Variants in ITSN2 observed in about 807,000 individuals in gnomAD.
The protein encoded by ITSN2 is intersectin-2.
In ITSN2, 156 loss-of-function variants were observed where a neutral mutation model predicts 243.7. The ratio of observed to expected loss-of-function variants is 0.64; its 90% CI spans 0.56 to 0.73. The LOEUF (loss-of-function observed/expected upper bound fraction) is 0.73, where lower values mean the gene tolerates loss of function less well. Among genes scored for constraint, ITSN2 ranks in the 30% least tolerant of loss-of-function variants. The pLI is 0.00. For synonymous variants in ITSN2, 703 were observed against 699.9 expected (o/e 1.00, Z -0.07); for missense variants, 1,801 against 1,996.1 (o/e 0.90, Z 1.86).
chr2:24,236,045 G>C (rs1163821567), intron 29 of ITSN2, among the ~76,000 whole-genome samples: 1 of 152,160 alleles, frequency 6.6e-6, no homozygotes, highest in Admixed American at 6.5e-5. Context: ...AAAACTTGTA[G>C]ACAAATGTTC....
chr2:24,325,498 T>C (rs1266872635), intron 2 of ITSN2, among the ~76,000 whole-genome samples: 1 of 151,676 alleles, frequency 6.6e-6, no homozygotes, highest in Non-Finnish European at 1.5e-5. Context: ...CTGGCTTTCT[T>C]ATTTAAATAT....
At chr2:24,330,002 T>C (rs556591214) in intron 1 of ITSN2, among the ~76,000 whole-genome samples, 1 of 152,378 alleles carries the variant, frequency 6.6e-6, no homozygotes, top group East Asian at 1.9e-4. Context: ...ACAAACTATC[T>C]ACTTAACAGA....
intron 12 of ITSN2, among the ~76,000 whole-genome samples, chr2:24,299,138 T>G (rs917550312): frequency 5.3e-5 from 8 of 150,478 alleles, no homozygotes; most frequent in South Asian, 2.1e-4. Flanking sequence ...CAAGCGATTC[T>G]CCTGCCTCAG....
At chr2:24,229,243 A>T (rs1264693073) in intron 29 of ITSN2, among the ~76,000 whole-genome samples, 1 of 152,214 alleles carries the variant, frequency 6.6e-6, no homozygotes, top group Non-Finnish European at 1.5e-5. Flanking sequence ...GAACACTATT[A>T]ACAAGGTTAA....
intron 29 of ITSN2, among the ~76,000 whole-genome samples, chr2:24,226,907 C>T (rs72791170): frequency 0.19 from 29,261 of 152,072 alleles, 3,265 homozygotes; most frequent in Non-Finnish European, 0.26. Flanking sequence ...TGTTATTTTA[C>T]TGGACCTATT....
chr2:24,230,592 A>G (rs1573937004), intron 29 of ITSN2, among the ~76,000 whole-genome samples: 1 of 152,132 alleles, frequency 6.6e-6, no homozygotes, highest in Non-Finnish European at 1.5e-5. Context: ...ACATGGTGGA[A>G]CCCCGTCTCT....
At chr2:24,352,940 A>G (rs1297905515) in intron 1 of ITSN2, among the ~76,000 whole-genome samples, 3 of 152,218 alleles carry the variant, frequency 2.0e-5, no homozygotes, top group Non-Finnish European at 4.4e-5. Flanking sequence ...CAGCAAAACT[A>G]TTTACTTGAC....
chr2:24,306,352 G>A (rs1330508047), intron 8 of ITSN2, among the ~76,000 whole-genome samples: 1 of 152,106 alleles, frequency 6.6e-6, no homozygotes, highest in Non-Finnish European at 1.5e-5. Context: ...CAGCAACTCA[G>A]AAGGTTTGCA....
intron 1 of ITSN2, among the ~76,000 whole-genome samples, chr2:24,339,540 T>A (rs1686818723): frequency 1.3e-5 from 2 of 151,794 alleles, no homozygotes; most frequent in Non-Finnish European, 2.9e-5. Flanking sequence ...CTTGGAGTTC[T>A]AAAAGTTTCA....
Position 24,208,285 on chromosome 2 carries a change from C to T in ITSN2, c.4630G>A (p.Glu1544Lys), listed in dbSNP as rs767422542. 1.2e-5 allele frequency: 20 copies of T among 1,611,158 alleles called. No individual in the cohort carries two copies. In the South Asian group the frequency reaches 2.2e-4, roughly 18 times the overall value. ...AWVQKIKAAS[E>K]QYIDTEKKKR... is the part of the protein sequence containing the mutation. Reference sequence around the variant, plus strand: ...TTCTTCTCGGTGTCGATGTACTGCTCAGACGCCGCCTTGATCTTCTGCACC... The same window carrying T: ...TTCTTCTCGGTGTCGATGTACTGCTTAGACGCCGCCTTGATCTTCTGCACC... Residue 1544 changes from glutamate (E) to lysine (K), a missense_variant, in exon 37 of 40, where the codon GAG (glutamate) becomes AAG (lysine). By Grantham distance (56) the Glu-to-Lys change is moderately conservative. Around this residue, in one of 5 missense-constraint regions of ITSN2, gnomAD observed 928 missense variants for 1,065.4 expected, o/e 0.87. Coordinates refer to ENST00000355123, the MANE Select transcript of ITSN2 (RefSeq NM_006277.3).
chr2:24,222,125 G>A (rs1290584469), intron 29 of ITSN2, among the ~76,000 whole-genome samples: 35 of 152,038 alleles, frequency 2.3e-4, no homozygotes, highest in Non-Finnish European at 5.9e-5. Context: ...GGTGGTGGGC[G>A]CCTGTAGTCC....
chr2:24,310,619 A>G lies in ITSN2; in HGVS notation c.426T>C (p.Ser142=). 6.2e-7 allele frequency: 1 copy of G among 1,614,220 alleles called. No homozygotes were observed. The highest frequency in any genetic ancestry group is 8.5e-7 in the Non-Finnish European group (1 of 1,180,032). ...GAGGAAGGTTGGTCCCTGAAGTCGC[A>G]GAAGACAATGATGTTATAGGTGCAG... ...PPAAPITSLS[S]ATSGTNLPPL... is the part of the protein sequence containing the mutation. The change falls in exon 6 of 40, where the codon TCT becomes TCC. Residue 142 remains serine (S), a synonymous_variant. Coordinates refer to ENST00000355123, the MANE Select transcript of ITSN2 (RefSeq NM_006277.3).
chr2:24,226,698 T>C (rs1671064878), intron 29 of ITSN2, among the ~76,000 whole-genome samples: 1 of 152,238 alleles, frequency 6.6e-6, no homozygotes, highest in African/African-American at 2.4e-5. Flanking sequence ...TTGTGTGTTA[T>C]GTGCAGCCAG....
intron 8 of ITSN2, among the ~76,000 whole-genome samples, chr2:24,306,724 C>T (rs1682589957): frequency 6.6e-6 from 1 of 152,224 alleles, no homozygotes; most frequent in East Asian, 1.9e-4. Context: ...CCAGGCTGGA[C>T]TCTTGGGCTC....
chr2:24,265,584 T>C (rs1676566830), intron 20 of ITSN2, among the ~76,000 whole-genome samples: 1 of 152,200 alleles, frequency 6.6e-6, no homozygotes, highest in Non-Finnish European at 1.5e-5. Flanking sequence ...CCTTTTACTC[T>C]ATGGTAAGCC....
intron 30 of ITSN2, among the ~76,000 whole-genome samples, chr2:24,219,057 C>T (rs926390605): frequency 2.0e-5 from 3 of 152,256 alleles, no homozygotes; most frequent in Non-Finnish European, 4.4e-5. Context: ...CCTGTAGGCC[C>T]CTGACTCCCT....
chr2:24,266,642 A>C (rs1169828938), intron 20 of ITSN2, among the ~76,000 whole-genome samples: 1 of 152,072 alleles, frequency 6.6e-6, no homozygotes, highest in Non-Finnish European at 1.5e-5. Flanking sequence ...TAAAATAGTT[A>C]AGTCTGCCAG....
intron 1 of ITSN2, among the ~76,000 whole-genome samples, chr2:24,339,951 A>C (rs1686862364): frequency 6.6e-6 from 1 of 152,006 alleles, no homozygotes; most frequent in Non-Finnish European, 1.5e-5. Flanking sequence ...TGAAAGGATC[A>C]TTTGAGCCCG....
At chr2:24,330,733 T>C (rs1685693121) in intron 1 of ITSN2, 3 of 594,510 alleles carry the variant, frequency 5.0e-6, no homozygotes, top group Non-Finnish European at 6.1e-6. Context: ...AATACTATTT[T>C]TTATCAAGTT....
Sources: allele counts gnomAD v4.1 joint callset (sites outside exome capture counted in the v4.1 genomes callset), GRCh38; gene constraint gnomAD v4.1.1; regional missense constraint gnomAD v4.1.1; transcripts MANE v1.5; gene names NCBI Gene and HGNC (gene_info 2026-07-23, HGNC 2026-07-21).